The following STXBP4 variants were observed in gnomAD, a reference collection of about 807,000 sequenced individuals.
The protein encoded by STXBP4 is syntaxin binding protein 4, also known as syntaxin-binding protein 4.
A neutral mutation model predicts 76.1 loss-of-function variants in STXBP4; 55 were observed. The observed-to-expected ratio is 0.72, with a 90% CI of 0.58 to 0.91. The LOEUF (loss-of-function observed/expected upper bound fraction) is 0.91. Ranked by LOEUF, STXBP4 falls within the 40% of genes least tolerant of loss-of-function variation. The pLI is 0.00. For missense variants in STXBP4, 618 were observed against 636.9 expected, an observed-to-expected ratio of 0.97 and a Z score of 0.32; for synonymous variants, 201 against 220.2, an observed-to-expected ratio of 0.91 and a Z score of 0.77.
At chr17:55,153,560 G>GAA (rs149435631) in intron 17 of STXBP4, among the ~76,000 whole-genome samples, 1 of 151,906 alleles carries the variant, frequency 6.6e-6, no homozygotes, top group African/African-American at 2.4e-5. Context: ...TAAATTAGTT[G>GAA]AAAAATATGT....
At chr17:55,154,565 GCAT>G (rs1245275828) in intron 17 of STXBP4, among the ~76,000 whole-genome samples, 1 of 152,112 alleles carries the variant, frequency 6.6e-6, no homozygotes, top group Non-Finnish European at 1.5e-5. Context: ...ATGAAAAACA[GCAT>G]CAATTTTTAA....
At chr17:55,184,782 A>T in the STXBP4 span, among the ~76,000 whole-genome samples, 1 of 152,238 alleles carries the variant, frequency 6.6e-6, no homozygotes. Flanking sequence ...TTGGAACAAT[A>T]GGCAAAAATT....
chr17:55,043,705 G>T, intron 11 of STXBP4: 1 of 1,492,004 alleles, frequency 6.7e-7, no homozygotes, highest in Non-Finnish European at 9.1e-7. Flanking sequence ...TTTTTCATGT[G>T]CAGGGCTATT....
Position 55,166,679 on chromosome 17 carries a change from A to G in STXBP4, c.*6768A>G, listed in dbSNP as rs2080378995. ...CCAGAGCTGGCACTCTATGGATGCCATGCCTGCATTTTTACACACCTGCCC... is the reference window on the plus strand; with the variant it reads ...CCAGAGCTGGCACTCTATGGATGCCGTGCCTGCATTTTTACACACCTGCCC... On this transcript the variant is annotated 3_prime_UTR_variant, in exon 18 of 18. Transcript: ENST00000376352. The G allele has an allele frequency of 1.3e-5, 2 of 152,240 alleles. No homozygotes were observed. The highest frequency in any genetic ancestry group is 2.9e-5 in the Non-Finnish European group (2 of 68,060). The allele number at this position is 152,240 out of a possible 1,614,324, so 9.4% of individuals were successfully genotyped here. A position where few individuals can be genotyped will look rare whatever the true frequency, so the allele number is the denominator to read the frequency against.
intron 16 of STXBP4, among the ~76,000 whole-genome samples, chr17:55,103,579 G>GTT (rs36032034): frequency 0.013 from 1,888 of 143,406 alleles, 38 homozygotes; most frequent in South Asian, 0.046. Context: ...CTCCAGTTTT[G>GTT]TTTTTTTTTT....
At chr17:54,969,343 C>G (rs1375874536) in intron 1 of STXBP4, among the ~76,000 whole-genome samples, 1 of 152,174 alleles carries the variant, frequency 6.6e-6, no homozygotes, top group South Asian at 2.1e-4. Context: ...TCAGTTGTCC[C>G]ACAGGACGAA....
At chr17:55,149,779 C>G (rs976404126) in intron 17 of STXBP4, among the ~76,000 whole-genome samples, 1 of 152,104 alleles carries the variant, frequency 6.6e-6, no homozygotes, top group Non-Finnish European at 1.5e-5. Context: ...TCTGTAAATA[C>G]CTACAAAGAT....
chr17:55,014,529 A>G (rs1183971913), intron 8 of STXBP4, among the ~76,000 whole-genome samples: 1 of 152,022 alleles, frequency 6.6e-6, no homozygotes, highest in Non-Finnish European at 1.5e-5. Flanking sequence ...GGGACAGGAG[A>G]GTAAGACTGA....
chr17:55,011,508 C>CTTTTTTTTT (rs3080154), intron 8 of STXBP4, among the ~76,000 whole-genome samples: 14,328 of 84,726 alleles, frequency 0.17, 2,235 homozygotes, highest in Admixed American at 0.22. Flanking sequence ...TTTTCTTTTT[C>CTTTTTTTTT]TTTTTTTTTT....
At chr17:55,117,348 T>C (rs983257755) in intron 16 of STXBP4, among the ~76,000 whole-genome samples, 2 of 151,864 alleles carry the variant, frequency 1.3e-5, no homozygotes, top group Non-Finnish European at 2.9e-5. Flanking sequence ...CAGCCAATAG[T>C]GTAAAAGATT....
At position 55,135,359 on chromosome 17, in the gene STXBP4, C is replaced by T. The variant is rs192579502; in HGVS notation, c.1490-5951C>T. Among the ~76,000 whole-genome samples, 5 of 151,996 alleles carry T rather than the reference C, an allele frequency of 3.3e-5. No individual in the cohort carries two copies. The East Asian group carries it at 9.7e-4, about 29-fold the overall frequency. ...TGTAAAATTATATATGTATATATGTCATTTGCTTTTTTTTCCTCAAACAAC... is the reference window on the plus strand; with the variant it reads ...TGTAAAATTATATATGTATATATGTTATTTGCTTTTTTTTCCTCAAACAAC... On this transcript the variant is annotated intron_variant, in intron 16 of 17. Coordinates refer to ENST00000376352, the MANE Select transcript of STXBP4 (RefSeq NM_178509.6).
chr17:55,185,236 TCTTCTTCTTCTTCTC>T, the STXBP4 span, among the ~76,000 whole-genome samples: 6 of 50,072 alleles, frequency 1.2e-4, no homozygotes, highest in Admixed American at 3.5e-4. Flanking sequence ...TTCTTCTTCT[TCTTCTTCTTCTTCTC>T]CTTCTCCTTC....
chr17:55,211,836 T>A, the STXBP4 span, among the ~76,000 whole-genome samples: 2 of 108,564 alleles, frequency 1.8e-5, no homozygotes, highest in East Asian at 3.1e-4. Context: ...TTTGACGGAG[T>A]CTTGCTCTGT....
chr17:55,037,763 C>G (rs2078628246), intron 10 of STXBP4, among the ~76,000 whole-genome samples: 1 of 152,108 alleles, frequency 6.6e-6, no homozygotes, highest in Admixed American at 6.6e-5. Context: ...GTTACCTTTT[C>G]TATGTACATT....
rs2078894149 is a variant in STXBP4, at chr17:55,054,056, A to G, written c.1011+6902A>G. On this transcript the variant is annotated intron_variant, in intron 12 of 17. Transcript: ENST00000376352. ...GCCCTCCTGTATTTATTTCTGTGAA[A>G]GGATTAGTTTCTGTTATTAAGAAAG... is the stretch of plus-strand genomic sequence containing the variant. Among the ~76,000 whole-genome samples the G allele has an allele frequency of 2.6e-5, 4 of 152,164 alleles. No homozygotes were observed. The South Asian group carries it at 8.3e-4, about 32-fold the overall frequency.
At chr17:55,122,338 G>A (rs1240030868) in intron 16 of STXBP4, among the ~76,000 whole-genome samples, 3 of 152,200 alleles carry the variant, frequency 2.0e-5, no homozygotes, top group African/African-American at 7.2e-5. Flanking sequence ...CCATAGAGGA[G>A]GGGAAGATGA....
At chr17:55,018,022 G>A (rs2078238934) in intron 8 of STXBP4, among the ~76,000 whole-genome samples, 1 of 152,142 alleles carries the variant, frequency 6.6e-6, no homozygotes, top group Admixed American at 6.5e-5. Flanking sequence ...TGCTCCCAGG[G>A]CTCCCAGGAT....
At chr17:55,000,153 G>T in intron 6 of STXBP4, 1 of 932,574 alleles carries the variant, frequency 1.1e-6, no homozygotes, top group South Asian at 5.0e-5. Context: ...AGTTGGTTTA[G>T]TTATTTGCCA....
At chr17:55,070,702 C>T (rs182418943) in intron 12 of STXBP4, among the ~76,000 whole-genome samples, 409 of 152,142 alleles carry the variant, frequency 2.7e-3, no homozygotes, top group Non-Finnish European at 4.3e-3. Flanking sequence ...AGCCTGACTC[C>T]CTCCCTTTCC....
Sources: gnomAD v4.1 joint callset for allele counts (sites outside exome capture counted in the v4.1 genomes callset) on GRCh38, gnomAD v4.1.1 for gene constraint, MANE v1.5 for transcripts, NCBI Gene and HGNC (gene_info 2026-07-23, HGNC 2026-07-21) for gene names.